Variants in RORA observed in about 807,000 individuals in gnomAD.
The protein encoded by RORA is nuclear receptor ROR-alpha.
Under a neutral mutation model 69.5 loss-of-function variants are expected in RORA, and 7 were observed. The observed-to-expected ratio is 0.10, with a 90% CI of 0.06 to 0.19. RORA has a LOEUF of 0.19. Among genes scored for constraint, RORA ranks in the 10% least tolerant of loss-of-function variants. RORA has a pLI of 1.00. For missense variants in RORA, 457 were observed against 663.0 expected (o/e 0.69, Z 3.41); for synonymous variants, 261 against 240.8 (o/e 1.08, Z -0.78).
chr15:60,826,988 C>T (rs775151280), intron 1 of RORA, among the ~76,000 whole-genome samples: 7 of 152,106 alleles, frequency 4.6e-5, no homozygotes, highest in Admixed American at 1.3e-4. Flanking sequence ...CAAAGCCCTC[C>T]GTGATGTGAG....
At chr15:60,646,361 T>C (rs1567140025) in intron 2 of RORA, among the ~76,000 whole-genome samples, 1 of 152,206 alleles carries the variant, frequency 6.6e-6, no homozygotes, top group Non-Finnish European at 1.5e-5. Flanking sequence ...TAATTTCCTC[T>C]CCTGAACTTC....
intron 1 of RORA, among the ~76,000 whole-genome samples, chr15:61,086,094 T>A (rs567099725): frequency 6.6e-6 from 1 of 152,380 alleles, no homozygotes; most frequent in South Asian, 2.1e-4. Flanking sequence ...AAAGAAGTAC[T>A]ATCATGCAGA....
intron 1 of RORA, among the ~76,000 whole-genome samples, chr15:61,179,101 C>G (rs1302158568): frequency 6.6e-6 from 1 of 152,210 alleles, no homozygotes; most frequent in Admixed American, 6.5e-5. Context: ...GCCCACAGCT[C>G]TGCCTCCTCA....
intron 1 of RORA, among the ~76,000 whole-genome samples, chr15:60,982,774 C>A (rs1894084041): frequency 6.6e-6 from 1 of 152,006 alleles, no homozygotes; most frequent in South Asian, 2.1e-4. Context: ...TAAATGCTTC[C>A]CAGAGTACTT....
intron 1 of RORA, among the ~76,000 whole-genome samples, chr15:60,918,820 T>G (rs1430777706): frequency 4.6e-5 from 7 of 152,156 alleles, no homozygotes; most frequent in South Asian, 2.1e-4. Context: ...GGCCCTGAGC[T>G]GTACCAGGCT....
intron 2 of RORA, among the ~76,000 whole-genome samples, chr15:60,649,757 C>T (rs189469063): frequency 1.2e-4 from 18 of 152,190 alleles, no homozygotes; most frequent in Non-Finnish European, 2.1e-4. Context: ...ACATTGAGGT[C>T]CCATGAATAT....
chr15:60,666,258 C>T (rs1351413989), intron 2 of RORA, among the ~76,000 whole-genome samples: 1 of 150,210 alleles, frequency 6.7e-6, no homozygotes, highest in East Asian at 1.9e-4. Flanking sequence ...GTCTTGACTT[C>T]CTGGGCTCAA....
rs140477425 is a variant in RORA at position 61,131,368 on chromosome 15, C to T, written c.166+97685G>A. 1.7e-4 allele frequency among the ~76,000 whole-genome samples: 26 copies of T among 152,324 alleles called. No individual in the cohort carries two copies. Among genetic ancestry groups the T allele is most frequent in the African/African-American group, 6.3e-4 (26 of 41,576 alleles). On this transcript the variant is annotated intron_variant, in intron 1 of 10. Transcript: ENST00000335670. The surrounding 1 kb of genome is among the most constrained non-coding windows in gnomAD (Gnocchi z 4.2). ...AGAAAATAAATCTAGACTCTTTCAT[C>T]AGAGACTTCTAGCAGATTTCAGCAG...
At chr15:60,774,022 A>C (rs1012706047) in intron 1 of RORA, among the ~76,000 whole-genome samples, 2 of 152,350 alleles carry the variant, frequency 1.3e-5, no homozygotes, top group Admixed American at 6.5e-5. Flanking sequence ...CTGGGGAGGC[A>C]TAAGTCAGGA....
chr15:61,090,908 CAGAAG>C (rs1328005091), intron 1 of RORA, among the ~76,000 whole-genome samples: 4 of 152,098 alleles, frequency 2.6e-5, no homozygotes, highest in Non-Finnish European at 4.4e-5. Flanking sequence ...TTATGAGTCT[CAGAAG>C]AGCTGAAAAC....
intron 1 of RORA, chr15:61,193,892 C>A (rs934057044): frequency 6.6e-6 from 1 of 152,104 alleles, no homozygotes; most frequent in South Asian, 2.1e-4. Context: ...TCCAGGGGCA[C>A]GTAGGAAGGG....
intron 1 of RORA, among the ~76,000 whole-genome samples, chr15:60,826,799 T>TA (rs1217065958): frequency 6.7e-6 from 1 of 148,242 alleles, no homozygotes; most frequent in Non-Finnish European, 1.5e-5. Context: ...CTTTTTTTTT[T>TA]AAAGACACAC....
At chr15:61,010,907 G>T (rs1895066958) in intron 1 of RORA, among the ~76,000 whole-genome samples, 1 of 152,062 alleles carries the variant, frequency 6.6e-6, no homozygotes, top group South Asian at 2.1e-4. Context: ...GTTCTGTTCT[G>T]CTGTTATTCC....
intron 1 of RORA, among the ~76,000 whole-genome samples, chr15:60,816,074 CAGTATATGTATACTGT>C (rs1339321901): frequency 8.1e-6 from 1 of 123,696 alleles, no homozygotes; most frequent in African/African-American, 3.2e-5. Context: ...ATACTATAAA[CAGTATATGTATACTGT>C]AAACAGTATA....
intron 2 of RORA, chr15:60,592,646 CGG>C: frequency 8.9e-7 from 1 of 1,122,104 alleles, no homozygotes; most frequent in Non-Finnish European, 1.1e-6. Context: ...AGGCGGGAGG[CGG>C]GAGGCGGGAG....
At chr15:60,760,665 A>G (rs1452344763) in intron 1 of RORA, among the ~76,000 whole-genome samples, 1 of 152,216 alleles carries the variant, frequency 6.6e-6, no homozygotes, top group Admixed American at 6.5e-5. Context: ...CCTAATGCAT[A>G]GCAGTGCTGT....
intron 1 of RORA, among the ~76,000 whole-genome samples, chr15:60,803,512 A>C (rs2072616561): frequency 6.6e-6 from 1 of 152,244 alleles, no homozygotes; most frequent in Admixed American, 6.5e-5. Flanking sequence ...TGCTGCTCCA[A>C]GAAAAGGCAA....
At chr15:60,627,311 T>A in intron 2 of RORA, 1 of 1,614,172 alleles carries the variant, frequency 6.2e-7, no homozygotes, top group Non-Finnish European at 8.5e-7. Flanking sequence ...CAATGACCCA[T>A]GATTGACCAC....
intron 1 of RORA, among the ~76,000 whole-genome samples, chr15:60,779,292 C>A (rs2045399): frequency 0.53 from 81,100 of 151,950 alleles, 22,409 homozygotes; most frequent in East Asian, 0.69. Context: ...CAACTCTTAT[C>A]TTTTTGCATC....
Sources: gnomAD v4.1 joint callset for allele counts (sites outside exome capture counted in the v4.1 genomes callset) on GRCh38, gnomAD v4.1.1 for gene constraint, Gnocchi (gnomAD v3.1) non-coding constraint, MANE v1.5 for transcripts, NCBI Gene and HGNC (gene_info 2026-07-23, HGNC 2026-07-21) for gene names.